The following MYZAP variants were observed in gnomAD, a reference collection of about 807,000 sequenced individuals.
MYZAP encodes the protein myocardial zonula adherens protein, also known as GRINL1A complex locus upstream.
In MYZAP, 66 loss-of-function variants were observed where a neutral mutation model predicts 69.4. That is an observed-to-expected ratio of 0.95 (90% confidence interval 0.78 to 1.17). The LOEUF (loss-of-function observed/expected upper bound fraction) is 1.17, where lower values mean the gene tolerates loss of function less well. Ranked by LOEUF, MYZAP falls within the 50% of genes most tolerant of loss-of-function variation. MYZAP has a pLI of 0.00. For missense variants in MYZAP, 611 were observed against 556.2 expected (o/e 1.10, Z -0.99); for synonymous variants, 256 against 205.9 (o/e 1.24, Z -2.09).
Position 57,674,981 on chromosome 15 carries a change from A to G in MYZAP, c.1217A>G (p.Gln406Arg). The G allele has an allele frequency of 1.9e-6, 3 of 1,613,412 alleles. No individual in the cohort carries two copies. Among genetic ancestry groups the G allele is most frequent in the Non-Finnish European group, 2.5e-6 (3 of 1,179,550 alleles). Residue 406 changes from glutamine (Q) to arginine (R), a missense_variant, in exon 12 of 13, where the codon CAA becomes CGA. Gln to Arg is a conservative substitution (Grantham distance 43). Transcript: ENST00000267853. ...TCTCATCTCCAGAATAATGAACTAC[A>G]AAGCAGGTTGGACTATTTAACAGAA... is the stretch of plus-strand genomic sequence containing the variant. ...SFLEGENNEL[Q>R]SRLDYLTETQ... is the part of the protein sequence containing the mutation.
chr15:57,642,271 C>G (rs1296582898), intron 10 of MYZAP, among the ~76,000 whole-genome samples: 1 of 152,212 alleles, frequency 6.6e-6, no homozygotes, highest in Non-Finnish European at 1.5e-5. Context: ...CTATTGTTTA[C>G]TATGCTGTGC....
In MYZAP at chr15:57,649,173, AC is replaced by A. The variant is rs565941778; in HGVS notation, c.1119+9629del. Among the ~76,000 whole-genome samples, 13 of 152,258 alleles carry A rather than the reference AC, an allele frequency of 8.5e-5. No individual in the cohort carries two copies. The South Asian group carries it at 2.7e-3, about 32-fold the overall frequency. ...TATTGATAGACATTTTTATTCTTTT[AC>A]AAACAATACCAACATGTCTCCAGGC... On this transcript the variant is annotated intron_variant, in intron 10 of 12. Coordinates refer to ENST00000267853, the MANE Select transcript of MYZAP (RefSeq NM_001018100.5).
chr15:57,664,867 A>G (rs2038491084), intron 11 of MYZAP, among the ~76,000 whole-genome samples: 1 of 152,162 alleles, frequency 6.6e-6, no homozygotes, highest in Non-Finnish European at 1.5e-5. Flanking sequence ...TAGTTGGCTT[A>G]TTGGTAAATA....
At chr15:57,616,754 G>A (rs140552476) in intron 2 of MYZAP, among the ~76,000 whole-genome samples, 2,197 of 146,940 alleles carry the variant, frequency 0.015, 29 homozygotes, top group South Asian at 0.047. Flanking sequence ...AGGTTGCAGT[G>A]AGCCACGATC....
chr15:57,640,436 A>G (rs1298963610), intron 10 of MYZAP, among the ~76,000 whole-genome samples: 2 of 152,226 alleles, frequency 1.3e-5, no homozygotes, highest in Non-Finnish European at 2.9e-5. Flanking sequence ...AAAGGTTTCA[A>G]TTTAATCAAA....
At chr15:57,610,055 C>T (rs1302613289) in intron 2 of MYZAP, among the ~76,000 whole-genome samples, 2 of 152,148 alleles carry the variant, frequency 1.3e-5, no homozygotes, top group East Asian at 3.8e-4. Context: ...GTTGATTCTG[C>T]GTCTTTATGA....
Position 57,646,793 on chromosome 15 carries a change from C to T in MYZAP, c.1119+7248C>T, listed in dbSNP as rs1384216934. 8.1e-6 allele frequency: 8 copies of T among 985,338 alleles called. No individual in the cohort carries two copies. The Admixed American group carries it at 3.7e-4, about 45-fold the overall frequency. 61.0% of individuals were successfully genotyped at this position (985,338 alleles called of 1,614,324 possible). A position where few individuals can be genotyped will look rare whatever the true frequency, so the allele number is the denominator to read the frequency against. ...GAGTTTAGCTTGCTTCTATCACCAT[C>T]AGCATTTTGCCTGAATTGGTTCAAC... is the stretch of plus-strand genomic sequence containing the variant. On this transcript the variant is annotated intron_variant, in intron 10 of 12. Transcript: ENST00000267853.
chr15:57,643,986 A>G (rs1400569176), intron 10 of MYZAP, among the ~76,000 whole-genome samples: 2 of 152,246 alleles, frequency 1.3e-5, no homozygotes, highest in Non-Finnish European at 2.9e-5. Context: ...GGTGCAAGGA[A>G]TTGATTTTCT....
chr15:57,594,750 A>T (rs2033945104), intron 1 of MYZAP, among the ~76,000 whole-genome samples: 1 of 152,220 alleles, frequency 6.6e-6, no homozygotes. Flanking sequence ...CTACTTTATC[A>T]TGATGGCAAA....
chr15:57,610,527 C>G (rs995122608), intron 2 of MYZAP, among the ~76,000 whole-genome samples: 9 of 152,160 alleles, frequency 5.9e-5, no homozygotes, highest in African/African-American at 2.2e-4. Flanking sequence ...GGGGAGAGAC[C>G]TAGAGTTTGA....
chr15:57,631,168 C>T (rs1426206418), intron 6 of MYZAP, among the ~76,000 whole-genome samples: 1 of 131,646 alleles, frequency 7.6e-6, no homozygotes, highest in African/African-American at 2.7e-5. Flanking sequence ...CCTGAAATTA[C>T]TGATTTAAGT....
At chr15:57,675,325 G>GTTCC (rs1292449222) in intron 12 of MYZAP, among the ~76,000 whole-genome samples, 4 of 152,080 alleles carry the variant, frequency 2.6e-5, no homozygotes, top group South Asian at 2.1e-4. Flanking sequence ...GAATGCATTT[G>GTTCC]TTCCTTCCTT....
intron 5 of MYZAP, among the ~76,000 whole-genome samples, chr15:57,626,536 A>T (rs1456594338): frequency 6.6e-6 from 1 of 152,196 alleles, no homozygotes; most frequent in Non-Finnish European, 1.5e-5. Flanking sequence ...AAGTCCCCTA[A>T]CATGCAAATT....
chr15:57,684,541 G>A lies in MYZAP; in HGVS notation c.*43G>A, dbSNP rs1332603706. 2 of 1,265,426 alleles carry A rather than the reference G, an allele frequency of 1.6e-6. No individual in the cohort carries two copies. Among genetic ancestry groups the A allele is most frequent in the Non-Finnish European group, 2.3e-6 (2 of 878,092 alleles). 78.4% of individuals were successfully genotyped at this position (1,265,426 alleles called of 1,614,324 possible). On this transcript the variant is annotated 3_prime_UTR_variant, in exon 13 of 13. Coordinates refer to ENST00000267853, the MANE Select transcript of MYZAP (RefSeq NM_001018100.5). ...CTTTTTACAGATGGACAAAAGCTCT[G>A]GAACCCTGTGGCTTCAAATCCTTTG...
chr15:57,682,245 A>C (rs573347732), intron 12 of MYZAP, among the ~76,000 whole-genome samples: 1 of 152,250 alleles, frequency 6.6e-6, no homozygotes, highest in Non-Finnish European at 1.5e-5. Context: ...AGAGAGAGAG[A>C]GAGCGTGGGG....
intron 10 of MYZAP, among the ~76,000 whole-genome samples, chr15:57,652,767 T>A (rs1168718396): frequency 5.9e-5 from 9 of 152,188 alleles, no homozygotes; most frequent in African/African-American, 2.2e-4. Context: ...CCTGACCCAG[T>A]CAGTTCACCA....
At chr15:57,656,311 C>G (rs1207679265) in intron 10 of MYZAP, among the ~76,000 whole-genome samples, 1 of 152,114 alleles carries the variant, frequency 6.6e-6, no homozygotes, top group Admixed American at 6.5e-5. Flanking sequence ...CATTTGTTAT[C>G]TGAGAATATA....
Position 57,675,136 on chromosome 15 carries a change from A to T in MYZAP, c.1304+68A>T, listed in dbSNP as rs1595940088. On this transcript the variant is annotated intron_variant, in intron 12 of 12. Transcript: ENST00000267853. The stretch of plus-strand genomic sequence containing the variant: ...CTTTGGCTGAAGAAAATACTTTACT[A>T]GGCTGTTCTTAGCAGAATTGCATTC... 2.2e-6 allele frequency: 3 copies of T among 1,372,006 alleles called. No individual in the cohort carries two copies. The African/African-American group carries it at 4.4e-5, about 20-fold the overall frequency. The allele number at this position is 1,372,006 out of a possible 1,614,324, so 85.0% of individuals were successfully genotyped here.
chr15:57,680,485 T>A (rs958004803), intron 12 of MYZAP, among the ~76,000 whole-genome samples: 102 of 143,084 alleles, frequency 7.1e-4, no homozygotes, highest in African/African-American at 2.6e-3. Flanking sequence ...GTTCAGGAGT[T>A]CACACACACA....
Sources: gnomAD v4.1 joint callset for allele counts (sites outside exome capture counted in the v4.1 genomes callset) on GRCh38, gnomAD v4.1.1 for gene constraint, MANE v1.5 for transcripts, NCBI Gene and HGNC (gene_info 2026-07-23, HGNC 2026-07-21) for gene names.